Variants in FBN2 observed in about 807,000 individuals in gnomAD.
The protein encoded by FBN2 is fibrillin 2.
Under a neutral mutation model 355.6 loss-of-function variants are expected in FBN2, and 105 were observed. That is an observed-to-expected ratio of 0.30 (90% CI 0.25 to 0.35). FBN2 has a LOEUF of 0.35. Among genes scored for constraint, FBN2 ranks in the 10% least tolerant of loss-of-function variants. FBN2 has a pLI of 1.00. For missense variants in FBN2, 3,280 were observed against 3,758.7 expected (o/e 0.87, Z 3.33); for synonymous variants, 1,350 against 1,301.2 (o/e 1.04, Z -0.81).
chr5:128,328,686 G>A lies in FBN2; in HGVS notation c.4471+10C>T, dbSNP rs1750617924. Reference sequence around the variant, plus strand: ...CAACTTGAAAATGAGTTGGAATCCTGGTGACCCACCTTGGCAGGATCTGCT... The same window carrying A: ...CAACTTGAAAATGAGTTGGAATCCTAGTGACCCACCTTGGCAGGATCTGCT... On this transcript the variant is annotated intron_variant, in intron 34 of 64. Transcript: ENST00000262464. 6.2e-7 allele frequency: 1 copy of A among 1,613,984 alleles called. No homozygotes were observed. The highest frequency in any genetic ancestry group is 8.5e-7 in the Non-Finnish European group (1 of 1,179,954).
intron 7 of FBN2, chr5:128,446,220 T>C (rs867658694): frequency 1.2e-5 from 4 of 343,148 alleles, no homozygotes; most frequent in Non-Finnish European, 2.2e-5. Context: ...AGAAGAAACA[T>C]AAATGGCTGG....
At chr5:128,346,778 A>C (rs1751193161) in intron 23 of FBN2, among the ~76,000 whole-genome samples, 1 of 152,152 alleles carries the variant, frequency 6.6e-6, no homozygotes, top group African/African-American at 2.4e-5. Flanking sequence ...ATCTCTACTA[A>C]AAATACAAAA....
chr5:128,338,975 C>T lies in FBN2; in HGVS notation c.3430G>A (p.Glu1144Lys), dbSNP rs200060005. 7.7e-5 allele frequency: 125 copies of T among 1,613,930 alleles called. No individual in the cohort carries two copies. The highest frequency in any genetic ancestry group is 9.7e-5 in the Non-Finnish European group (114 of 1,179,958). The change falls in exon 26 of 65, where the codon GAA (glutamate) becomes AAA (lysine). Residue 1144 changes from glutamate (E) to lysine (K), a missense_variant. Glu to Lys is a moderately conservative substitution (Grantham distance 56). Coordinates refer to ENST00000262464, the MANE Select transcript of FBN2 (RefSeq NM_001999.4). Reference protein sequence around the residue: ...TPGSFECECFEGYESGFMMMK... With the variant: ...TPGSFECECFKGYESGFMMMK... ...ATCATGAAGCCACTTTCATAGCCTT[C>T]GAAGCACTCGCACTCAAAGCTGCCC...
chr5:128,392,240 T>C (rs958557040), intron 10 of FBN2, 85 bp from the exon 11 acceptor site: 35 of 1,141,520 alleles, frequency 3.1e-5, no homozygotes, highest in Non-Finnish European at 4.4e-5. Flanking sequence ...CATTTAATAG[T>C]AAATTAATTA....
rs907831748 is a variant in FBN2, at chr5:128,408,921, T to C, written c.953-122A>G. 4.8e-6 allele frequency: 5 copies of C among 1,047,286 alleles called. No homozygotes were observed. In the African/African-American group the frequency reaches 4.8e-5, roughly 10 times the overall value. 64.9% of individuals were successfully genotyped at this position (1,047,286 alleles called of 1,614,324 possible). A position where few individuals can be genotyped will look rare whatever the true frequency, so the allele number is the denominator to read the frequency against. Reference sequence around the variant, plus strand: ...TTGATTAGGTCAGATCATATAACCCTGAAGATACTCTTGTTTCAGGCCCCA... The same window carrying C: ...TTGATTAGGTCAGATCATATAACCCCGAAGATACTCTTGTTTCAGGCCCCA... On this transcript the variant is annotated intron_variant, in intron 7 of 64. Transcript: ENST00000262464.
At chr5:128,293,623 A>T (rs1749398680) in intron 48 of FBN2, among the ~76,000 whole-genome samples, 1 of 152,222 alleles carries the variant, frequency 6.6e-6, no homozygotes, top group South Asian at 2.1e-4. Flanking sequence ...TTAATGAAAT[A>T]AAAGCTATCC....
Position 128,519,853 on chromosome 5 carries a change from G to A in FBN2, c.533-485C>T, listed in dbSNP as rs189579079. Among the ~76,000 whole-genome samples the A allele has an allele frequency of 2.4e-4, 36 of 151,668 alleles. No individual in the cohort carries two copies. The East Asian group carries it at 4.9e-3, about 20-fold the overall frequency. ...AAATGAAAATGATATGGCAATAAAG[G>A]GAAAAAGGAAAAATCAGAGAAGAAA... On this transcript the variant is annotated intron_variant, in intron 4 of 64. Transcript: ENST00000262464.
At chr5:128,512,090 C>T (rs1756144748) in intron 5 of FBN2, among the ~76,000 whole-genome samples, 1 of 152,074 alleles carries the variant, frequency 6.6e-6, no homozygotes, top group African/African-American at 2.4e-5. Flanking sequence ...ACAATATTTT[C>T]CAGTCAATCT....
At position 128,285,011 on chromosome 5, in the gene FBN2, G is replaced by T. The variant is rs1206780938; in HGVS notation, c.7012+1707C>A. On this transcript the variant is annotated intron_variant, in intron 55 of 64. Coordinates refer to ENST00000262464, the MANE Select transcript of FBN2 (RefSeq NM_001999.4). ...AATTTAATGATCTTGGTAAAAAAAT[G>T]TTCTACTTATCAGATTTCTTGATTC... Among the ~76,000 whole-genome samples, 5 of 152,116 alleles carry T rather than the reference G, an allele frequency of 3.3e-5. 1 individual carries two copies. Among genetic ancestry groups the T allele is most frequent in the African/African-American group, 9.7e-5 (4 of 41,416 alleles).
rs202071861 is a variant in FBN2 at position 128,348,522 on chromosome 5, C to T, written c.2989+825G>A. The stretch of plus-strand genomic sequence containing the variant: ...TATGGTATTGCAAACTTTTTTCTTA[C>T]AGTAAATTTTAAAAATCACTGATAT... On this transcript the variant is annotated intron_variant, in intron 23 of 64. Transcript: ENST00000262464. Among the ~76,000 whole-genome samples, 18 of 152,054 alleles carry T rather than the reference C, an allele frequency of 1.2e-4. No homozygotes were observed. In the South Asian group the frequency reaches 2.5e-3, roughly 21 times the overall value.
At chr5:128,324,662 G>C (rs1368300887) in intron 34 of FBN2, among the ~76,000 whole-genome samples, 2 of 149,298 alleles carry the variant, frequency 1.3e-5, no homozygotes, top group Admixed American at 6.7e-5. Context: ...TGTTGACCCA[G>C]CCTGGAGTGC....
intron 5 of FBN2, among the ~76,000 whole-genome samples, chr5:128,494,270 G>T (rs562562120): frequency 3.9e-5 from 6 of 152,122 alleles, no homozygotes; most frequent in Non-Finnish European, 8.8e-5. Flanking sequence ...CTTTCCAAAG[G>T]AACTGACTTT....
intron 5 of FBN2, among the ~76,000 whole-genome samples, chr5:128,478,423 T>C (rs1478488221): frequency 6.6e-6 from 1 of 152,224 alleles, no homozygotes; most frequent in Non-Finnish European, 1.5e-5. Flanking sequence ...TTTCTTTTGG[T>C]AACCTTTAAA....
intron 5 of FBN2, among the ~76,000 whole-genome samples, chr5:128,479,748 A>G (rs1755102846): frequency 6.6e-6 from 1 of 151,810 alleles, no homozygotes; most frequent in African/African-American, 2.4e-5. Context: ...GCAACACGGC[A>G]AGACTCCATC....
At chr5:128,368,633 C>T (rs1258363129) in intron 16 of FBN2, among the ~76,000 whole-genome samples, 1 of 151,460 alleles carries the variant, frequency 6.6e-6, no homozygotes, top group Admixed American at 6.6e-5. Context: ...GTAAAAAAAC[C>T]CTCTTATAAT....
intron 55 of FBN2, among the ~76,000 whole-genome samples, chr5:128,283,974 G>T (rs931331206): frequency 4.6e-5 from 7 of 152,032 alleles, no homozygotes; most frequent in African/African-American, 1.4e-4. Flanking sequence ...TTCTGAATCT[G>T]TCCACTCCTT....
intron 8 of FBN2, among the ~76,000 whole-genome samples, chr5:128,403,905 G>T (rs1272024780): frequency 2.0e-5 from 3 of 152,100 alleles, no homozygotes; most frequent in African/African-American, 7.2e-5. Flanking sequence ...ATGTGAAACT[G>T]TTTTCCAGCA....
chr5:128,400,622 A>G (rs775416872), intron 8 of FBN2, among the ~76,000 whole-genome samples: 10 of 152,350 alleles, frequency 6.6e-5, no homozygotes, highest in Non-Finnish European at 8.8e-5. Flanking sequence ...TAAACCATGA[A>G]GCAAATACTG....
intron 5 of FBN2, among the ~76,000 whole-genome samples, chr5:128,468,726 C>G (rs1754779389): frequency 6.6e-6 from 1 of 152,096 alleles, no homozygotes; most frequent in Admixed American, 6.5e-5. Flanking sequence ...GTCCTTTTTA[C>G]ACAATTAGAG....
Sources: allele counts gnomAD v4.1 joint callset (sites outside exome capture counted in the v4.1 genomes callset), GRCh38; gene constraint gnomAD v4.1.1; transcripts MANE v1.5; gene names NCBI Gene and HGNC (gene_info 2026-07-23, HGNC 2026-07-21).